The following SPATA16 variants were observed in gnomAD, a reference collection of about 807,000 sequenced individuals.
The protein encoded by SPATA16 is spermatogenesis associated 16.
Under a neutral mutation model 63.3 loss-of-function variants are expected in SPATA16, and 36 were observed. The observed-to-expected ratio is 0.57, with a 90% confidence interval of 0.44 to 0.75. SPATA16 has a LOEUF of 0.75. SPATA16 is among the 30% of genes least tolerant of loss of function. The pLI, the probability that SPATA16 is intolerant of heterozygous loss-of-function variation, is 0.00. For synonymous variants in SPATA16, 203 were observed against 216.7 expected, an observed-to-expected ratio of 0.94 and a Z score of 0.56; for missense variants, 646 against 679.3, an observed-to-expected ratio of 0.95 and a Z score of 0.54.
chr3:173,029,607 G>A (rs1292564106), intron 3 of SPATA16, among the ~76,000 whole-genome samples: 1 of 151,786 alleles, frequency 6.6e-6, no homozygotes, highest in African/African-American at 2.4e-5. Flanking sequence ...TTTGCTCTAG[G>A]GGGAAACAGT....
chr3:173,111,202 G>A (rs1737741784), intron 2 of SPATA16, among the ~76,000 whole-genome samples: 1 of 152,116 alleles, frequency 6.6e-6, no homozygotes, highest in Non-Finnish European at 1.5e-5. Context: ...TTATTGCAAT[G>A]ATTGTATGAG....
intron 2 of SPATA16, among the ~76,000 whole-genome samples, chr3:173,116,445 A>G (rs1737902993): frequency 6.6e-6 from 1 of 152,202 alleles, no homozygotes; most frequent in South Asian, 2.1e-4. Flanking sequence ...GAGCTAGTAT[A>G]ATTTTCCTAC....
intron 3 of SPATA16, among the ~76,000 whole-genome samples, chr3:173,038,666 T>C (rs1010204062): frequency 6.6e-6 from 1 of 152,084 alleles, no homozygotes; most frequent in Non-Finnish European, 1.5e-5. Context: ...TTTCTCCTTG[T>C]TGATAAGCAT....
chr3:173,045,922 A>T (rs1387673318), intron 3 of SPATA16, among the ~76,000 whole-genome samples: 1 of 152,136 alleles, frequency 6.6e-6, no homozygotes, highest in Admixed American at 6.6e-5. Flanking sequence ...CATTTTTAAA[A>T]TAGGGATTTT....
intron 10 of SPATA16, among the ~76,000 whole-genome samples, chr3:172,897,665 G>A (rs958959125): frequency 6.6e-6 from 1 of 151,922 alleles, no homozygotes; most frequent in Non-Finnish European, 1.5e-5. Context: ...CATTTTTTTG[G>A]GGGGATTTTT....
intron 5 of SPATA16, among the ~76,000 whole-genome samples, chr3:172,967,578 G>T (rs573907524): frequency 6.6e-6 from 1 of 152,188 alleles, no homozygotes; most frequent in Non-Finnish European, 1.5e-5. Context: ...ATAGCTCAGA[G>T]ATCCCCAACC....
intron 4 of SPATA16, among the ~76,000 whole-genome samples, chr3:173,010,468 G>GTT (rs1309719784): frequency 2.0e-5 from 3 of 151,170 alleles, no homozygotes; most frequent in Middle Eastern, 3.4e-3. Context: ...GTGTGTGTGT[G>GTT]TGTTTGTTTT....
intron 3 of SPATA16, among the ~76,000 whole-genome samples, chr3:173,021,313 T>C (rs1381164722): frequency 1.3e-5 from 2 of 152,224 alleles, no homozygotes; most frequent in Non-Finnish European, 2.9e-5. Flanking sequence ...CAGAGCATTG[T>C]ATTATATCAC....
chr3:173,020,132 C>T (rs1447338943), intron 3 of SPATA16, among the ~76,000 whole-genome samples: 1 of 151,958 alleles, frequency 6.6e-6, no homozygotes, highest in African/African-American at 2.4e-5. Context: ...CCTGTCTCTA[C>T]TAAAAAATAC....
At chr3:173,030,182 A>G (rs1329659574) in intron 3 of SPATA16, among the ~76,000 whole-genome samples, 1 of 151,682 alleles carries the variant, frequency 6.6e-6, no homozygotes. Context: ...ATGAAGTTAA[A>G]TGAAAGTAAA....
At chr3:173,010,935 C>A (rs1323652636) in intron 4 of SPATA16, among the ~76,000 whole-genome samples, 1 of 152,016 alleles carries the variant, frequency 6.6e-6, no homozygotes, top group Admixed American at 6.5e-5. Flanking sequence ...AAAGTTGAAT[C>A]AGTAATAAAA....
chr3:173,046,051 A>G (rs1012054264), intron 3 of SPATA16, among the ~76,000 whole-genome samples: 1 of 152,116 alleles, frequency 6.6e-6, no homozygotes, highest in Non-Finnish European at 1.5e-5. Context: ...GGTGATATGT[A>G]TCATTAAAAT....
chr3:172,992,576 A>G (rs1413130369), intron 4 of SPATA16, among the ~76,000 whole-genome samples: 3 of 152,122 alleles, frequency 2.0e-5, no homozygotes, highest in African/African-American at 7.2e-5. Flanking sequence ...GGTTAAATAC[A>G]AGAAAAAAAT....
At chr3:173,079,577 C>T (rs530102237) in intron 2 of SPATA16, among the ~76,000 whole-genome samples, 18 of 152,122 alleles carry the variant, frequency 1.2e-4, no homozygotes, top group African/African-American at 3.4e-4. Context: ...TTTACTTTGG[C>T]AACTTTATTT....
chr3:173,035,301 A>G (rs891960427), intron 3 of SPATA16, among the ~76,000 whole-genome samples: 1 of 152,174 alleles, frequency 6.6e-6, no homozygotes, highest in African/African-American at 2.4e-5. Context: ...ATTTGCAATG[A>G]TAGGACAATT....
At chr3:172,947,826 T>C (rs1024383750) in intron 6 of SPATA16, among the ~76,000 whole-genome samples, 9 of 151,514 alleles carry the variant, frequency 5.9e-5, no homozygotes, top group African/African-American at 2.0e-4. Flanking sequence ...ATACCTAATA[T>C]ATGTGGGGTT....
chr3:172,998,236 A>G (rs1025268580), intron 4 of SPATA16, among the ~76,000 whole-genome samples: 1 of 152,136 alleles, frequency 6.6e-6, no homozygotes, highest in Admixed American at 6.5e-5. Flanking sequence ...TTTTTCTCAT[A>G]TAGATCTTGT....
chr3:173,027,662 G>C (rs1735480960), intron 3 of SPATA16, among the ~76,000 whole-genome samples: 2 of 151,706 alleles, frequency 1.3e-5, no homozygotes, highest in African/African-American at 2.4e-5. Context: ...ATTTTAGAGA[G>C]TGTTTTCTGC....
intron 3 of SPATA16, among the ~76,000 whole-genome samples, chr3:173,045,342 G>A (rs995470396): frequency 2.6e-5 from 4 of 152,066 alleles, no homozygotes; most frequent in Admixed American, 2.6e-4. Flanking sequence ...GGCTCATCCT[G>A]TGTATTTTCC....
Sources: allele counts gnomAD v4.1 joint callset (sites outside exome capture counted in the v4.1 genomes callset), GRCh38; gene constraint gnomAD v4.1.1; transcripts MANE v1.5; gene names NCBI Gene and HGNC (gene_info 2026-07-23, HGNC 2026-07-21).